SEMA3A: variants seen among roughly 807,000 people sequenced by gnomAD.
SEMA3A encodes the protein semaphorin-3A.
SEMA3A carries 29 observed loss-of-function variants against 97.9 expected under a neutral mutation model. That is an observed-to-expected ratio of 0.30 (90% CI 0.22 to 0.40). The LOEUF (loss-of-function observed/expected upper bound fraction) is 0.40. Among genes scored for constraint, SEMA3A ranks in the 10% least tolerant of loss-of-function variants. The pLI, the probability that SEMA3A is intolerant of heterozygous loss-of-function variation, is 1.00. For missense variants in SEMA3A, 763 were observed against 951.3 expected (o/e 0.80, Z 2.60); for synonymous variants, 321 against 323.7 (o/e 0.99, Z 0.09).
At chr7:84,438,262 A>T (rs1805186320) in intron 1 of SEMA3A, among the ~76,000 whole-genome samples, 1 of 152,088 alleles carries the variant, frequency 6.6e-6, no homozygotes. Context: ...TTTAAAAATG[A>T]TTTTATATGT....
intron 4 of SEMA3A, among the ~76,000 whole-genome samples, chr7:84,077,633 C>G (rs1215741866): frequency 6.6e-6 from 1 of 151,934 alleles, no homozygotes; most frequent in Non-Finnish European, 1.5e-5. Flanking sequence ...TATGATGTAA[C>G]TATATGATTT....
chr7:84,033,057 T>C (rs1380756756), intron 6 of SEMA3A, among the ~76,000 whole-genome samples: 2 of 152,124 alleles, frequency 1.3e-5, no homozygotes, highest in Non-Finnish European at 2.9e-5. Context: ...AATTGCAAAT[T>C]ACTACATATT....
chr7:84,434,619 G>A (rs1252229894), intron 1 of SEMA3A, among the ~76,000 whole-genome samples: 1 of 152,040 alleles, frequency 6.6e-6, no homozygotes, highest in Non-Finnish European at 1.5e-5. Context: ...AAACAAAATA[G>A]TAGCAAATCA....
At chr7:83,987,043 CT>C (rs1267730156) in intron 12 of SEMA3A, among the ~76,000 whole-genome samples, 1 of 151,208 alleles carries the variant, frequency 6.6e-6, no homozygotes, top group East Asian at 1.9e-4. Context: ...TAATTTTTCT[CT>C]TTAGTTCTTA....
chr7:83,964,572 T>C (rs745419877), intron 15 of SEMA3A, among the ~76,000 whole-genome samples: 12 of 152,138 alleles, frequency 7.9e-5, no homozygotes, highest in Non-Finnish European at 1.6e-4. Flanking sequence ...CCTACCCTCA[T>C]CATACCCTAC....
rs79996942 is a variant in SEMA3A, at chr7:84,233,975, TA to T, written c.-82-39308del. On this transcript the variant is annotated intron_variant, in intron 3 of 3. Transcript: ENST00000424555. ...TGTGAATCTAACCGATGCTCTATAC[TA>T]AAAAAAAAAGCCTCATTTTTATAAA... is the stretch of plus-strand genomic sequence containing the variant. 6.7e-3 allele frequency among the ~76,000 whole-genome samples: 981 copies of T among 145,446 alleles called. 45 individuals are homozygous for T. In the East Asian group the frequency reaches 0.12, roughly 18 times the overall value.
chr7:84,393,854 T>C lies in SEMA3A; in HGVS notation c.-245-21954A>G, dbSNP rs535036941. ...GTGGAACTACTGTAGGTACCATTAG[T>C]TAGTTTTCCACAATTCATTCCTAAC... On this transcript the variant is annotated intron_variant, in intron 1 of 3. Coordinates refer to the SEMA3A transcript ENST00000424555. Among the ~76,000 whole-genome samples, 3 of 152,218 alleles carry C rather than the reference T, an allele frequency of 2.0e-5. No individual in the cohort carries two copies. In the South Asian group the frequency reaches 6.2e-4, roughly 32 times the overall value.
At chr7:84,379,654 T>G (rs971460378) in intron 1 of SEMA3A, among the ~76,000 whole-genome samples, 2 of 150,850 alleles carry the variant, frequency 1.3e-5, no homozygotes, top group Non-Finnish European at 3.0e-5. Flanking sequence ...CCTTATTTCA[T>G]AACTAGAATG....
chr7:84,386,003 T>G (rs566119669), intron 1 of SEMA3A, among the ~76,000 whole-genome samples: 1 of 152,336 alleles, frequency 6.6e-6, no homozygotes, highest in Admixed American at 6.5e-5. Context: ...CACATATTTG[T>G]CAAGTACATG....
At chr7:84,359,351 G>A (rs1246533434) in intron 2 of SEMA3A, among the ~76,000 whole-genome samples, 2 of 151,888 alleles carry the variant, frequency 1.3e-5, no homozygotes, top group East Asian at 1.9e-4. Context: ...AGCATGAAGG[G>A]TTGTTGAATT....
intron 3 of SEMA3A, among the ~76,000 whole-genome samples, chr7:84,228,784 C>T (rs1799050155): frequency 2.0e-5 from 3 of 152,038 alleles, no homozygotes; most frequent in African/African-American, 7.2e-5. Flanking sequence ...TGCAACCTTC[C>T]TGTCTGTTTT....
intron 4 of SEMA3A, among the ~76,000 whole-genome samples, chr7:84,083,323 C>A (rs1455359819): frequency 3.3e-5 from 5 of 151,532 alleles, no homozygotes; most frequent in Admixed American, 2.6e-4. Flanking sequence ...ATTATGGATA[C>A]ATAATAGTTG....
At chr7:84,143,285 G>C (rs1223392155) in intron 1 of SEMA3A, among the ~76,000 whole-genome samples, 1 of 152,042 alleles carries the variant, frequency 6.6e-6, no homozygotes, top group Non-Finnish European at 1.5e-5. Flanking sequence ...AAGAAAAAAA[G>C]ATGAAAAGTA....
chr7:84,321,488 A>G (rs1485293565), intron 2 of SEMA3A, among the ~76,000 whole-genome samples: 1 of 152,192 alleles, frequency 6.6e-6, no homozygotes, highest in African/African-American at 2.4e-5. Flanking sequence ...CTGGGTTGAT[A>G]TAATTGCTCT....
chr7:84,055,136 A>G (rs1792898130), intron 5 of SEMA3A, among the ~76,000 whole-genome samples: 1 of 152,110 alleles, frequency 6.6e-6, no homozygotes, highest in South Asian at 2.1e-4. Flanking sequence ...TTAAGTCTGC[A>G]GAGGTTACTG....
At chr7:83,963,392 A>G (rs2116255723) in intron 15 of SEMA3A, 45 bp from the exon 16 acceptor site, 1 of 1,568,578 alleles carries the variant, frequency 6.4e-7, no homozygotes, top group Middle Eastern at 1.7e-4. Context: ...TTAGAGAAGT[A>G]ATTTCAACTT....
intron 1 of SEMA3A, among the ~76,000 whole-genome samples, chr7:84,421,729 G>T (rs1483946318): frequency 6.6e-6 from 1 of 151,908 alleles, no homozygotes; most frequent in Non-Finnish European, 1.5e-5. Flanking sequence ...AGCATGAAGG[G>T]GTGTTGAATT....
chr7:84,191,690 A>G (rs1798042474), intron 1 of SEMA3A, among the ~76,000 whole-genome samples: 2 of 151,842 alleles, frequency 1.3e-5, no homozygotes, highest in Admixed American at 1.3e-4. Context: ...ATATTTAAAG[A>G]AGACAAAAGT....
intron 2 of SEMA3A, among the ~76,000 whole-genome samples, chr7:84,365,677 T>C (rs1251260023): frequency 6.6e-6 from 1 of 151,496 alleles, no homozygotes; most frequent in African/African-American, 2.4e-5. Flanking sequence ...ATTAACACTT[T>C]TATATTCTTA....
Sources: gnomAD v4.1 joint callset for allele counts (sites outside exome capture counted in the v4.1 genomes callset) on GRCh38, gnomAD v4.1.1 for gene constraint, MANE v1.5 for transcripts, NCBI Gene and HGNC (gene_info 2026-07-23, HGNC 2026-07-21) for gene names.